The following CTNNA2 variants were observed in gnomAD, a reference collection of about 807,000 sequenced individuals.
The protein encoded by CTNNA2 is catenin alpha-2.
In CTNNA2, 42 loss-of-function variants were observed where a neutral mutation model predicts 101.0. The observed-to-expected ratio is 0.42, with a 90% CI of 0.32 to 0.54. The LOEUF (loss-of-function observed/expected upper bound fraction) is 0.54. Ranked by LOEUF, CTNNA2 falls within the 20% of genes least tolerant of loss-of-function variation. The pLI is 0.14. For missense variants in CTNNA2, 871 were observed against 1,223.1 expected, an observed-to-expected ratio of 0.71 and a Z score of 4.29; for synonymous variants, 450 against 456.4, an observed-to-expected ratio of 0.99 and a Z score of 0.18.
At chr2:79,313,936 G>A (rs1390791032) in intron 3 of CTNNA2, among the ~76,000 whole-genome samples, 1 of 152,186 alleles carries the variant, frequency 6.6e-6, no homozygotes, top group East Asian at 1.9e-4. Flanking sequence ...AGAACCAAAT[G>A]CAGCGCTTGT....
chr2:80,360,880 A>C (rs141166275), intron 7 of CTNNA2, among the ~76,000 whole-genome samples: 6 of 152,182 alleles, frequency 3.9e-5, no homozygotes, highest in African/African-American at 1.4e-4. Context: ...TGCTACTGTT[A>C]ATGTTCTATT....
In CTNNA2 at chr2:79,759,896, T is replaced by C. The variant is rs148032440; in HGVS notation, c.298+15314T>C. Among the ~76,000 whole-genome samples, 17 of 152,316 alleles carry C rather than the reference T, an allele frequency of 1.1e-4. No individual in the cohort carries two copies. The East Asian group carries it at 1.9e-3, about 17-fold the overall frequency. ...CTAAAAATCCAGTTGCTTAAATCAA[T>C]AGTGCTAGAGTTAAACTTTATTCTT... On this transcript the variant is annotated intron_variant, in intron 3 of 18. Coordinates refer to ENST00000402739, the MANE Select transcript of CTNNA2 (RefSeq NM_001282597.3).
chr2:79,303,599 T>C (rs1676165029), intron 2 of CTNNA2, among the ~76,000 whole-genome samples: 1 of 152,116 alleles, frequency 6.6e-6, no homozygotes, highest in African/African-American at 2.4e-5. Context: ...TTATGGCTCT[T>C]GTCTGACTTC....
intron 7 of CTNNA2, among the ~76,000 whole-genome samples, chr2:80,392,966 G>C (rs1267607869): frequency 6.6e-6 from 1 of 152,282 alleles, no homozygotes; most frequent in East Asian, 1.9e-4. Flanking sequence ...ACACAGATTT[G>C]TGTGGAGTTG....
chr2:79,328,459 TG>T (rs1376962503), intron 3 of CTNNA2, among the ~76,000 whole-genome samples: 1 of 152,198 alleles, frequency 6.6e-6, no homozygotes, highest in Non-Finnish European at 1.5e-5. Context: ...CATATGAATT[TG>T]GGGATCATAT....
chr2:79,824,424 G>C (rs981241001), intron 3 of CTNNA2, among the ~76,000 whole-genome samples: 1 of 152,080 alleles, frequency 6.6e-6, no homozygotes, highest in Non-Finnish European at 1.5e-5. Flanking sequence ...AGAGCATCAC[G>C]ATCAATCTTA....
intron 1 of CTNNA2, among the ~76,000 whole-genome samples, chr2:79,589,522 A>G (rs1250493333): frequency 1.3e-5 from 2 of 152,002 alleles, no homozygotes. Context: ...TAAGACATAC[A>G]TTATTGAGAA....
At chr2:79,521,650 G>A (rs139517617) in intron 1 of CTNNA2, among the ~76,000 whole-genome samples, 25 of 152,262 alleles carry the variant, frequency 1.6e-4, no homozygotes, top group Middle Eastern at 6.8e-3. Context: ...TGAGGAAGAG[G>A]TAAATGATTG....
intron 6 of CTNNA2, among the ~76,000 whole-genome samples, chr2:79,909,353 A>G (rs1685634981): frequency 6.6e-6 from 1 of 152,276 alleles, no homozygotes. Flanking sequence ...CCGTTGAGAT[A>G]GCCTTTGCCA....
At chr2:80,375,674 C>G (rs976473287) in intron 7 of CTNNA2, among the ~76,000 whole-genome samples, 1 of 149,060 alleles carries the variant, frequency 6.7e-6, no homozygotes, top group South Asian at 2.1e-4. Flanking sequence ...ATGCCATTCT[C>G]CTGCCTCAGC....
intron 8 of CTNNA2, among the ~76,000 whole-genome samples, chr2:80,413,243 G>C (rs1162624044): frequency 6.6e-6 from 1 of 152,088 alleles, no homozygotes; most frequent in Non-Finnish European, 1.5e-5. Flanking sequence ...GAATGAATTT[G>C]GTGGACAATG....
chr2:79,973,383 G>A (rs1295091933), intron 7 of CTNNA2, among the ~76,000 whole-genome samples: 1 of 152,080 alleles, frequency 6.6e-6, no homozygotes, highest in Non-Finnish European at 1.5e-5. Flanking sequence ...CAGAGAGGCC[G>A]GTACTATCTG....
chr2:79,467,922 A>T (rs1670956995), intron 4 of CTNNA2, among the ~76,000 whole-genome samples: 1 of 152,180 alleles, frequency 6.6e-6, no homozygotes, highest in African/African-American at 2.4e-5. Context: ...CACTGCAAAA[A>T]CATGCCAAAT....
chr2:79,255,003 A>G (rs1185460599), intron 2 of CTNNA2, among the ~76,000 whole-genome samples: 1 of 152,152 alleles, frequency 6.6e-6, no homozygotes, highest in Admixed American at 6.6e-5. Context: ...ACCCTGGTGG[A>G]TCTTAAGGCC....
At chr2:80,334,207 C>T (rs1299035004) in intron 7 of CTNNA2, among the ~76,000 whole-genome samples, 1 of 152,210 alleles carries the variant, frequency 6.6e-6, no homozygotes, top group Non-Finnish European at 1.5e-5. Flanking sequence ...TCAGCTAAAG[C>T]AATGGATCTT....
intron 4 of CTNNA2, among the ~76,000 whole-genome samples, chr2:79,450,889 G>C (rs999203698): frequency 5.9e-5 from 9 of 152,114 alleles, no homozygotes; most frequent in African/African-American, 2.2e-4. Flanking sequence ...GGCCTAGGTG[G>C]TTGGAGCCCA....
chr2:79,543,425 A>T (rs1032843937), intron 1 of CTNNA2, among the ~76,000 whole-genome samples: 2 of 152,184 alleles, frequency 1.3e-5, no homozygotes, highest in African/African-American at 4.8e-5. Flanking sequence ...ATTTAGTGTT[A>T]CCTTAATTCA....
intron 3 of CTNNA2, among the ~76,000 whole-genome samples, chr2:79,819,995 A>G (rs1677876169): frequency 1.3e-5 from 2 of 152,190 alleles, no homozygotes; most frequent in African/African-American, 4.8e-5. Flanking sequence ...ATGTAACTGT[A>G]AGGAAAATCT....
At chr2:80,454,407 G>A (rs891559372) in intron 9 of CTNNA2, among the ~76,000 whole-genome samples, 4 of 152,130 alleles carry the variant, frequency 2.6e-5, no homozygotes, top group Admixed American at 6.5e-5. Flanking sequence ...TTAGCACTTC[G>A]CAAACTGCTC....
Sources: gnomAD v4.1 joint callset for allele counts (sites outside exome capture counted in the v4.1 genomes callset) on GRCh38, gnomAD v4.1.1 for gene constraint, MANE v1.5 for transcripts, NCBI Gene and HGNC (gene_info 2026-07-23, HGNC 2026-07-21) for gene names.